Variants in PNKP observed in about 807,000 individuals in gnomAD.
PNKP encodes the protein bifunctional polynucleotide phosphatase/kinase.
PNKP carries 82 observed loss-of-function variants against 66.2 expected under a neutral mutation model. The ratio of observed to expected loss-of-function variants is 1.24; its 90% confidence interval spans 1.04 to 1.49. The LOEUF is 1.49. Ranked by LOEUF, PNKP falls within the 40% of genes most tolerant of loss-of-function variation. PNKP has a pLI of 0.00. For missense variants in PNKP, 907 were observed against 706.8 expected (o/e 1.28, Z -3.21); for synonymous variants, 412 against 298.9 (o/e 1.38, Z -3.90).
In PNKP at chr19:49,861,762, G is replaced by T; in HGVS notation, c.1298+10C>A. Reference sequence around the variant, plus strand: ...GCCGCAGGCCACCTACGGCCCCGCGGTCACGCTACCTGGCGCGGCTCGCGG... The same window carrying T: ...GCCGCAGGCCACCTACGGCCCCGCGTTCACGCTACCTGGCGCGGCTCGCGG... On this transcript the variant is annotated intron_variant, in intron 14 of 16. Transcript: ENST00000322344. 1.9e-6 allele frequency: 3 copies of T among 1,564,196 alleles called. No individual in the cohort carries two copies. Among genetic ancestry groups the T allele is most frequent in the Non-Finnish European group, 1.7e-6 (2 of 1,155,620 alleles).
chr19:49,862,311 G>GCCGTCC, intron 11 of PNKP, 30 bp from the exon 12 acceptor site: 5 of 1,545,822 alleles, frequency 3.2e-6, no homozygotes, highest in Non-Finnish European at 4.4e-6. Context: ...CGCGTGAGAT[G>GCCGTCC]CCGTCCCCAT....
rs200014111 is a variant in PNKP at position 49,861,479 on chromosome 19, G to A, written c.1418C>T (p.Pro473Leu). The stretch of plus-strand genomic sequence containing the variant: ...GCCATACATGACCATGTCTGACACG[G>A]GGATATGAGAGGAGTCCGTCATCTC... ...FREMTDSSHI[P>L]VSDMVMYGYR... is the part of the protein sequence containing the mutation. The change falls in exon 16 of 17, where the codon CCC (proline) becomes CTC (leucine). Residue 473 changes from proline (P) to leucine (L), a missense_variant. Transcript: ENST00000322344. The A allele has an allele frequency of 3.1e-6, 5 of 1,613,928 alleles. No homozygotes were observed. The highest frequency in any genetic ancestry group is 1.6e-4 in the Middle Eastern group (1 of 6,062).
Position 49,862,217 on chromosome 19 carries a change from G to C in PNKP, c.1094C>G (p.Pro365Arg). The change falls in exon 12 of 17, where the codon CCG (proline) becomes CGG (arginine). Residue 365 changes from proline (P) to arginine (R), a missense_variant. Physicochemically the swap from Pro to Arg is moderately radical, Grantham distance 103. Coordinates refer to ENST00000322344, the MANE Select transcript of PNKP (RefSeq NM_007254.4). Reference protein sequence around the residue: ...PESRALLSASPEVVVAVGFPG... With the variant: ...PESRALLSASREVVVAVGFPG... Reference sequence around the variant, plus strand: ...GAATCCCACTGCGACAACCACCTCCGGGCTGGCGCTCAGGAGGGCCCTGGA... The same window carrying C: ...GAATCCCACTGCGACAACCACCTCCCGGCTGGCGCTCAGGAGGGCCCTGGA... The C allele has an allele frequency of 6.2e-7, 1 of 1,613,270 alleles. No individual in the cohort carries two copies. The highest frequency in any genetic ancestry group is 8.5e-7 in the Non-Finnish European group (1 of 1,179,622).
intron 8 of PNKP, 112 bp from the exon 9 acceptor site, chr19:49,862,850 G>A (rs1403412552): frequency 5.3e-6 from 6 of 1,124,464 alleles, no homozygotes; most frequent in African/African-American, 3.1e-5. Flanking sequence ...ATCATCCCCC[G>A]ACCTTTCATG....
Position 49,865,193 on chromosome 19 carries a change from G to C in PNKP, c.432C>G (p.Asn144Lys). ...ELPKKRMRKS[N>K]PGWENLEKLL... is the part of the protein sequence containing the mutation. ...ACTTCTCCAAGTTCTCCCAGCCGGG[G>C]TTTGACTTCCGCATACGCTTCTTCG... Residue 144 changes from asparagine to lysine, a missense_variant, in exon 4 of 17, where the codon AAC becomes AAG. Transcript: ENST00000322344. 1 of 1,614,236 alleles carries C rather than the reference G, an allele frequency of 6.2e-7. No individual in the cohort carries two copies.
At chr19:49,865,563 G>A (rs934225277) in intron 3 of PNKP, 137 bp from the exon 4 acceptor site, 5 of 625,938 alleles carry the variant, frequency 8.0e-6, no homozygotes, top group Non-Finnish European at 1.4e-5. Flanking sequence ...TTTGGAACGG[G>A]CTTTGGAACG....
rs747464508 is a variant in PNKP, at chr19:49,862,115, G to A, written c.1127-10C>T. 1.9e-6 allele frequency: 3 copies of A among 1,614,142 alleles called. No individual in the cohort carries two copies. The highest frequency in any genetic ancestry group is 3.3e-5 in the Admixed American group (2 of 60,024). Reference sequence around the variant, plus strand: ...AAGGTGGACTTCCCGGCTGTGTGGGGGGCAGTGTCGGTGGGTGGCCTAGGA... The same window carrying A: ...AAGGTGGACTTCCCGGCTGTGTGGGAGGCAGTGTCGGTGGGTGGCCTAGGA... On this transcript the variant is annotated splice_polypyrimidine_tract_variant and intron_variant, in intron 12 of 16. Transcript: ENST00000322344.
chr19:49,861,759 G>A lies in PNKP; in HGVS notation c.1298+13C>T, dbSNP rs1472510353. On this transcript the variant is annotated intron_variant, in intron 14 of 16. Transcript: ENST00000322344. ...CCCGCCGCAGGCCACCTACGGCCCCGCGGTCACGCTACCTGGCGCGGCTCG... is the reference window on the plus strand; with the variant it reads ...CCCGCCGCAGGCCACCTACGGCCCCACGGTCACGCTACCTGGCGCGGCTCG... 5.8e-6 allele frequency: 9 copies of A among 1,561,614 alleles called. No individual in the cohort carries two copies. The highest frequency in any genetic ancestry group is 7.8e-6 in the Non-Finnish European group (9 of 1,154,184).
rs758087762 is a variant in PNKP, at chr19:49,861,774, GGC to G, written c.1294_1295del (p.Ala432GlnfsTer61). On this transcript the variant is annotated frameshift_variant, in exon 14 of 17. Transcript: ENST00000322344. LOFTEE classifies it high-confidence loss of function. ...CTACGGCCCCGCGGTCACGCTACCT[GGC>G]GCGGCTCGCGGCGTCTGGGTTTGTG... ...DNTNPDAASRARYVQCARAAG... is the reference protein window; with the variant it reads ...DNTNPDAASRXRYVQCARAAG... 4 of 1,563,126 alleles carry G rather than the reference GGC, an allele frequency of 2.6e-6. No individual in the cohort carries two copies. The highest frequency in any genetic ancestry group is 4.8e-5 in the East Asian group (2 of 41,248).
Position 49,861,251 on chromosome 19 carries a change from G to A in PNKP, c.1563C>T (p.Gly521=), listed in dbSNP as rs749572897. 6.9e-6 allele frequency: 11 copies of A among 1,588,028 alleles called. No homozygotes were observed. The highest frequency in any genetic ancestry group is 1.3e-5 in the African/African-American group (1 of 74,354). The change falls in exon 17 of 17, where the codon GGC becomes GGT. Residue 521 remains glycine (G), a synonymous_variant. Transcript: ENST00000322344. ...LGRLYCQFSE[G] ...GTGGAGGGGAGCTGGGCGGGGCTCA[G>A]CCCTCGGAGAACTGGCAGTACAGCC...
In PNKP at chr19:49,862,588, TG is replaced by T; in HGVS notation, c.885del (p.Asn296ThrfsTer66). 6.2e-7 allele frequency: 1 copy of T among 1,613,484 alleles called. No homozygotes were observed. The highest frequency in any genetic ancestry group is 8.5e-7 in the Non-Finnish European group (1 of 1,179,684). On this transcript the variant is annotated frameshift_variant, in exon 10 of 17. Coordinates refer to ENST00000322344, the MANE Select transcript of PNKP (RefSeq NM_007254.4). LOFTEE classifies it high-confidence loss of function. ...TTCTTCTTCCGCCCCGGGGCCCAGT[TG>T]GCCGGGCGTCCGGCTGCGTCTGGAA... ...IFVGDAAGRPANWAPGRKKKD... is the reference protein window; with the variant it reads ...IFVGDAAGRPXNWAPGRKKKD...
chr19:49,861,887 G>T lies in PNKP; in HGVS notation c.1189-6C>A. 2 of 1,585,386 alleles carry T rather than the reference G, an allele frequency of 1.3e-6. No individual in the cohort carries two copies. The highest frequency in any genetic ancestry group is 1.1e-5 in the South Asian group (1 of 88,698). On this transcript the variant is annotated splice_polypyrimidine_tract_variant and splice_region_variant and intron_variant, in intron 13 of 16. Coordinates refer to ENST00000322344, the MANE Select transcript of PNKP (RefSeq NM_007254.4). ...TGCCAGGAGCCTAGCGTGTCCTGGG[G>T]ACACGAGAGGTCACAAACAGATCGG...
At position 49,861,859 on chromosome 19, in the gene PNKP, C is replaced by G; in HGVS notation, c.1211G>C (p.Arg404Pro). 6.3e-7 allele frequency: 1 copy of G among 1,591,894 alleles called. No homozygotes were observed. Among genetic ancestry groups the G allele is most frequent in the South Asian group, 1.1e-5 (1 of 88,948 alleles). ...VNRDTLGSWQ[R>P]CVTTCETALK... ...GGCTGTCTCACACGTGGTCACACAG[C>G]GCTGCCAGGAGCCTAGCGTGTCCTG... The change falls in exon 14 of 17, where the codon CGC becomes CCC. Residue 404 changes from arginine to proline, a missense_variant. Coordinates refer to ENST00000322344, the MANE Select transcript of PNKP (RefSeq NM_007254.4).
In PNKP at chr19:49,862,352, C is replaced by T. The variant is rs1001216105; in HGVS notation, c.1029+19G>A. The T allele has an allele frequency of 5.9e-6, 9 of 1,520,768 alleles. No homozygotes were observed. In the African/African-American group the frequency reaches 8.3e-5, roughly 14 times the overall value. The allele number at this position is 1,520,768 out of a possible 1,614,324, so 94.2% of individuals were successfully genotyped here. ...GGAGCCCTCCCATCCCCACCCCCAC[C>T]CCCGCCCCAGGGCCTCACCGGATCA... On this transcript the variant is annotated intron_variant, in intron 11 of 16. Coordinates refer to ENST00000322344, the MANE Select transcript of PNKP (RefSeq NM_007254.4).
In PNKP at chr19:49,866,946, T is replaced by C. The variant is rs2074824806; in HGVS notation, c.151+108A>G. The stretch of plus-strand genomic sequence containing the variant: ...TACTCCCTAGAGAGCACCTTCCGAC[T>C]TCGGGGCTGGCTGCACCACTGCAAT... On this transcript the variant is annotated intron_variant, in intron 2 of 16. Transcript: ENST00000322344. 3 of 1,090,516 alleles carry C rather than the reference T, an allele frequency of 2.8e-6. No homozygotes were observed. The South Asian group carries it at 3.7e-5, about 14-fold the overall frequency. 67.6% of individuals were successfully genotyped at this position (1,090,516 alleles called of 1,614,324 possible).
At chr19:49,867,320 G>A (rs1373799869) in intron 1 of PNKP, 103 bp from the exon 2 acceptor site, 7 of 1,212,364 alleles carry the variant, frequency 5.8e-6, no homozygotes, top group Non-Finnish European at 6.8e-6. Flanking sequence ...ACCATTAACT[G>A]CTCCGGAAGT....
At chr19:49,863,112 C>T (rs1237598271) in intron 8 of PNKP, among the ~76,000 whole-genome samples, 1 of 152,230 alleles carries the variant, frequency 6.6e-6, no homozygotes, top group Non-Finnish European at 1.5e-5. Context: ...TTAGAGCCAG[C>T]CGCATGGGCC....
rs1278820001 is a variant in PNKP, at chr19:49,862,752, TAGTG to T, written c.817-18_817-15del. The T allele has an allele frequency of 6.2e-7, 1 of 1,613,922 alleles. No homozygotes were observed. Among genetic ancestry groups the T allele is most frequent in the Non-Finnish European group, 8.5e-7 (1 of 1,179,872 alleles). ...GCCGTCGTTGGCCTACGGGAGACGGTAGTGAGGAGGCCCTTCCCACAAATGTCCC... is the reference window on the plus strand; with the variant it reads ...GCCGTCGTTGGCCTACGGGAGACGGTAGGAGGCCCTTCCCACAAATGTCCC... On this transcript the variant is annotated splice_polypyrimidine_tract_variant and intron_variant, in intron 8 of 16. Transcript: ENST00000322344.
Position 49,862,390 on chromosome 19 carries a change from T to C in PNKP, c.1010A>G (p.Glu337Gly). 1.9e-6 allele frequency: 3 copies of C among 1,542,638 alleles called. No homozygotes were observed. The highest frequency in any genetic ancestry group is 2.4e-5 in the South Asian group (2 of 83,964). Residue 337 changes from glutamate to glycine, a missense_variant, in exon 11 of 17, where the codon GAG (glutamate) becomes GGG (glycine). Transcript: ENST00000322344. The stretch of plus-strand genomic sequence containing the variant: ...CCTCACCGGATCAAAGGCTGGGAGC[T>C]CGAAGCCGGCTGCTGGCCACTTGAG... ...FFLKWPAAGF[E>G]LPAFDPRTVS... is the part of the protein sequence containing the mutation.
Sources: allele counts gnomAD v4.1 joint callset (sites outside exome capture counted in the v4.1 genomes callset), GRCh38; gene constraint gnomAD v4.1.1; transcripts MANE v1.5; gene names NCBI Gene and HGNC (gene_info 2026-07-23, HGNC 2026-07-21).